PTPRD: variants seen among roughly 807,000 people sequenced by gnomAD.
The protein encoded by PTPRD is protein tyrosine phosphatase receptor type D.
In PTPRD, 34 loss-of-function variants were observed where a neutral mutation model predicts 214.5. The ratio of observed to expected loss-of-function variants is 0.16; its 90% confidence interval spans 0.12 to 0.21. The LOEUF (loss-of-function observed/expected upper bound fraction) is 0.21. Among genes scored for constraint, PTPRD ranks in the 10% least tolerant of loss-of-function variants. PTPRD has a pLI of 1.00. For missense variants in PTPRD, 2,545 were observed against 2,398.7 expected, an observed-to-expected ratio of 1.06 and a Z score of -1.27; for synonymous variants, 1,128 against 845.7, an observed-to-expected ratio of 1.33 and a Z score of -5.79.
intron 9 of PTPRD, among the ~76,000 whole-genome samples, chr9:9,386,589 G>A (rs191003606): frequency 1.7e-3 from 261 of 152,180 alleles, no homozygotes; most frequent in African/African-American, 6.1e-3. Flanking sequence ...ATTTGTAGAG[G>A]AGGAGGTGAG....
chr9:10,078,446 G>T (rs2098172456), intron 3 of PTPRD, among the ~76,000 whole-genome samples: 1 of 149,702 alleles, frequency 6.7e-6, no homozygotes, highest in African/African-American at 2.5e-5. Context: ...AACCTGGGAG[G>T]TGGAGCTCGT....
At chr9:10,567,731 G>C (rs1218227661) in intron 2 of PTPRD, among the ~76,000 whole-genome samples, 2 of 151,462 alleles carry the variant, frequency 1.3e-5, no homozygotes, top group South Asian at 2.1e-4. Context: ...ATAATTATTT[G>C]TCTCTGAATT....
chr9:9,376,066 C>G (rs921317837), intron 9 of PTPRD, among the ~76,000 whole-genome samples: 7 of 118,324 alleles, frequency 5.9e-5, no homozygotes, highest in African/African-American at 2.9e-4. Flanking sequence ...AAAATGAGAA[C>G]TTGCTCATCA....
intron 11 of PTPRD, among the ~76,000 whole-genome samples, chr9:8,968,410 G>A (rs969953177): frequency 2.3e-4 from 35 of 151,656 alleles, no homozygotes; most frequent in Middle Eastern, 3.4e-3. Flanking sequence ...ATCCTCTCCA[G>A]CACCTGTTGT....
intron 12 of PTPRD, among the ~76,000 whole-genome samples, chr9:8,687,220 GA>G (rs139543204): frequency 2.7e-5 from 4 of 149,908 alleles, no homozygotes; most frequent in African/African-American, 4.9e-5. Flanking sequence ...GCAGAAATCA[GA>G]AAAAAAAACA....
In PTPRD at chr9:10,219,704, T is replaced by C. The variant is rs563676517; in HGVS notation, c.-545+121259A>G. 3.9e-4 allele frequency among the ~76,000 whole-genome samples: 60 copies of C among 151,978 alleles called. No individual in the cohort carries two copies. The South Asian group carries it at 0.012, about 30-fold the overall frequency. On this transcript the variant is annotated intron_variant, in intron 3 of 45. Transcript: ENST00000381196. ...CTTCTAGTTTTTCCATACATAAAAATCACTAGTAATATCAAATCTCTTTTT... is the reference window on the plus strand; with the variant it reads ...CTTCTAGTTTTTCCATACATAAAAACCACTAGTAATATCAAATCTCTTTTT...
At chr9:8,839,273 T>A (rs1432128292) in intron 11 of PTPRD, among the ~76,000 whole-genome samples, 1 of 152,064 alleles carries the variant, frequency 6.6e-6, no homozygotes, top group Non-Finnish European at 1.5e-5. Context: ...AAAACCTAGA[T>A]GATAATTTTC....
At chr9:9,404,696 A>T (rs1189850013) in intron 8 of PTPRD, among the ~76,000 whole-genome samples, 1 of 152,090 alleles carries the variant, frequency 6.6e-6, no homozygotes, top group Non-Finnish European at 1.5e-5. Flanking sequence ...TTCAGTGGAG[A>T]GTCTAGGACT....
At chr9:9,612,273 G>A (rs1228893401) in intron 7 of PTPRD, among the ~76,000 whole-genome samples, 1 of 152,144 alleles carries the variant, frequency 6.6e-6, no homozygotes, top group Non-Finnish European at 1.5e-5. Context: ...GGTCTTGACT[G>A]AGTTCTCAGA....
chr9:8,822,788 C>G (rs980539154), intron 11 of PTPRD, among the ~76,000 whole-genome samples: 1 of 152,100 alleles, frequency 6.6e-6, no homozygotes, highest in African/African-American at 2.4e-5. Flanking sequence ...GAACTGGAAT[C>G]CAATTCTGTT....
chr9:9,308,421 A>C (rs1957817839), intron 9 of PTPRD, among the ~76,000 whole-genome samples: 1 of 152,202 alleles, frequency 6.6e-6, no homozygotes. Context: ...TGGCCAAAAT[A>C]CTAATCGTCT....
chr9:9,258,794 A>T (rs1043822894), intron 9 of PTPRD, among the ~76,000 whole-genome samples: 1 of 151,850 alleles, frequency 6.6e-6, no homozygotes, highest in African/African-American at 2.4e-5. Flanking sequence ...TTTGCAGGGG[A>T]CTGGGGGATG....
chr9:9,565,880 G>C (rs1431122931), intron 8 of PTPRD, among the ~76,000 whole-genome samples: 2 of 151,898 alleles, frequency 1.3e-5, no homozygotes, highest in African/African-American at 2.4e-5. Context: ...AAATGACCAA[G>C]TAACCCTACT....
At chr9:9,029,340 G>C (rs1430108974) in intron 10 of PTPRD, among the ~76,000 whole-genome samples, 1 of 151,746 alleles carries the variant, frequency 6.6e-6, no homozygotes, top group Non-Finnish European at 1.5e-5. Context: ...AGACTAAAAA[G>C]TGCTGATTGG....
At chr9:10,018,331 T>C (rs1471793038) in intron 4 of PTPRD, among the ~76,000 whole-genome samples, 1 of 152,002 alleles carries the variant, frequency 6.6e-6, no homozygotes, top group Non-Finnish European at 1.5e-5. Context: ...TCAGAAGCAA[T>C]AAGCCGTCAG....
chr9:9,331,921 T>G (rs1033349482), intron 9 of PTPRD, among the ~76,000 whole-genome samples: 1 of 151,862 alleles, frequency 6.6e-6, no homozygotes, highest in Non-Finnish European at 1.5e-5. Flanking sequence ...GGAGGGGAAG[T>G]TTGGGGAAAA....
rs181651831 is a variant in PTPRD, at chr9:8,884,403, A to G, written c.-104+134294T>C. Reference sequence around the variant, plus strand: ...ACAACTTGGTTGAAGTGGAAGGCACAGGAAAATGAGTAACCCAGAAGGTAG... The same window carrying G: ...ACAACTTGGTTGAAGTGGAAGGCACGGGAAAATGAGTAACCCAGAAGGTAG... On this transcript the variant is annotated intron_variant, in intron 11 of 45. Coordinates refer to ENST00000381196, the MANE Select transcript of PTPRD (RefSeq NM_002839.4). Among the ~76,000 whole-genome samples the G allele has an allele frequency of 3.7e-4, 57 of 152,372 alleles. No individual in the cohort carries two copies. In the South Asian group the frequency reaches 3.9e-3, roughly 11 times the overall value.
chr9:8,528,280 G>C, intron 15 of PTPRD: 1 of 428,714 alleles, frequency 2.3e-6, no homozygotes, highest in Admixed American at 4.1e-5. Context: ...AAGAAAGAAA[G>C]AGGAGAAAAT....
At chr9:9,579,934 A>G (rs1389995910) in intron 7 of PTPRD, among the ~76,000 whole-genome samples, 1 of 152,086 alleles carries the variant, frequency 6.6e-6, no homozygotes, top group East Asian at 1.9e-4. Context: ...GCTCCCACTT[A>G]TAAGAGAGAA....
Sources: gnomAD v4.1 joint callset for allele counts (sites outside exome capture counted in the v4.1 genomes callset) on GRCh38, gnomAD v4.1.1 for gene constraint, MANE v1.5 for transcripts, NCBI Gene and HGNC (gene_info 2026-07-23, HGNC 2026-07-21) for gene names.